The following UNC13C variants were observed in gnomAD, a reference collection of about 807,000 sequenced individuals.
UNC13C encodes protein unc-13 homolog C.
UNC13C carries 174 observed loss-of-function variants against 245.4 expected under a neutral mutation model. That is an observed-to-expected ratio of 0.71 (90% confidence interval 0.63 to 0.80). The LOEUF (loss-of-function observed/expected upper bound fraction) is 0.80. Among genes scored for constraint, UNC13C ranks in the 30% least tolerant of loss-of-function variants. UNC13C has a pLI of 0.00. For missense variants in UNC13C, 2,829 were observed against 2,602.9 expected (o/e 1.09, Z -1.89); for synonymous variants, 992 against 895.1 (o/e 1.11, Z -1.93).
chr15:54,071,036 A>G (rs1898300501), intron 2 of UNC13C, among the ~76,000 whole-genome samples: 1 of 152,180 alleles, frequency 6.6e-6, no homozygotes, highest in African/African-American at 2.4e-5. Context: ...CTATTCCTAT[A>G]TGAACTTTTA....
intron 19 of UNC13C, among the ~76,000 whole-genome samples, chr15:54,486,895 A>G (rs912248537): frequency 6.6e-6 from 1 of 152,172 alleles, no homozygotes; most frequent in African/African-American, 2.4e-5. Context: ...AAGTCATATC[A>G]TGGAGTGACT....
upstream of UNC13C, among the ~76,000 whole-genome samples, chr15:53,974,580 C>T (rs377155891): frequency 2.0e-5 from 3 of 152,314 alleles, no homozygotes; most frequent in East Asian, 5.8e-4. Context: ...TATGAAAGCG[C>T]TTAGAAGGCA....
At chr15:54,189,353 C>G (rs1021588197) in intron 4 of UNC13C, among the ~76,000 whole-genome samples, 1 of 152,034 alleles carries the variant, frequency 6.6e-6, no homozygotes, top group Non-Finnish European at 1.5e-5. Context: ...AAAGTGGGCC[C>G]TCTGATGGTA....
chr15:53,887,966 G>T, the UNC13C span, among the ~76,000 whole-genome samples: 1 of 152,232 alleles, frequency 6.6e-6, no homozygotes, highest in East Asian at 1.9e-4. Flanking sequence ...ATGGACATTT[G>T]GGTTGGTTCC....
At chr15:53,842,537 G>A in the UNC13C span, among the ~76,000 whole-genome samples, 4 of 152,084 alleles carry the variant, frequency 2.6e-5, no homozygotes, top group East Asian at 1.9e-4. Flanking sequence ...AATTCAAGCC[G>A]GGCCACTGAA....
At chr15:54,173,929 G>C (rs769076112) in intron 4 of UNC13C, among the ~76,000 whole-genome samples, 2 of 151,952 alleles carry the variant, frequency 1.3e-5, no homozygotes, top group Non-Finnish European at 2.9e-5. Context: ...TTTGTCAAAT[G>C]CCATTTATAT....
the UNC13C span, among the ~76,000 whole-genome samples, chr15:53,930,730 A>G: frequency 6.6e-6 from 1 of 152,194 alleles, no homozygotes; most frequent in Admixed American, 6.5e-5. Flanking sequence ...TACAAAATTT[A>G]AGATTATACT....
At chr15:54,333,703 G>T (rs1166168519) in intron 15 of UNC13C, 64 bp from the exon 16 acceptor site, 3 of 1,059,806 alleles carry the variant, frequency 2.8e-6, no homozygotes, top group African/African-American at 3.2e-5. Flanking sequence ...GCTAGTTTTA[G>T]TTTATTTTCC....
At chr15:54,007,757 C>T (rs982066221) in intron 1 of UNC13C, among the ~76,000 whole-genome samples, 1 of 152,112 alleles carries the variant, frequency 6.6e-6, no homozygotes, top group African/African-American at 2.4e-5. Context: ...GCCCATGTAA[C>T]CCAGAACCAA....
chr15:54,496,801 A>G (rs1445321370), intron 20 of UNC13C, among the ~76,000 whole-genome samples: 1 of 150,562 alleles, frequency 6.6e-6, no homozygotes, highest in African/African-American at 2.4e-5. Flanking sequence ...GATACAATGG[A>G]CTTTGAGGAC....
At chr15:54,172,709 TATATATATATATATATA>T (rs1397271660) in intron 4 of UNC13C, among the ~76,000 whole-genome samples, 1,423 of 54,210 alleles carry the variant, frequency 0.026, 85 homozygotes, top group Non-Finnish European at 0.034. Context: ...CACAGATATA[TATATATATATATATATA>T]TATATATATA....
chr15:54,059,750 T>C (rs1220148046), intron 2 of UNC13C, among the ~76,000 whole-genome samples: 1 of 152,204 alleles, frequency 6.6e-6, no homozygotes, highest in Non-Finnish European at 1.5e-5. Flanking sequence ...AACAGCATGG[T>C]ACTGGTACCA....
intron 17 of UNC13C, among the ~76,000 whole-genome samples, chr15:54,351,982 A>G (rs2038993377): frequency 1.3e-5 from 2 of 151,918 alleles, no homozygotes; most frequent in Non-Finnish European, 2.9e-5. Flanking sequence ...CATCTAGTGA[A>G]TTAGAAAGTA....
intron 4 of UNC13C, among the ~76,000 whole-genome samples, chr15:54,151,894 T>C (rs2032535195): frequency 6.6e-6 from 1 of 152,192 alleles, no homozygotes; most frequent in Non-Finnish European, 1.5e-5. Flanking sequence ...CTTTCATCTT[T>C]AGGTGACTGC....
chr15:54,149,917 A>G (rs1458739586), intron 4 of UNC13C, among the ~76,000 whole-genome samples: 1 of 152,250 alleles, frequency 6.6e-6, no homozygotes, highest in Non-Finnish European at 1.5e-5. Context: ...TTTAAAGTAT[A>G]TGGGATGACG....
chr15:54,309,634 T>C (rs534186398), intron 13 of UNC13C, among the ~76,000 whole-genome samples: 1 of 152,022 alleles, frequency 6.6e-6, no homozygotes, highest in South Asian at 2.1e-4. Context: ...TTTATAGTTT[T>C]GGGTCTTACA....
At chr15:53,881,882 G>T in the UNC13C span, among the ~76,000 whole-genome samples, 1 of 152,256 alleles carries the variant, frequency 6.6e-6, no homozygotes, top group South Asian at 2.1e-4. Flanking sequence ...TAACCCACAT[G>T]ATTACTTTCA....
chr15:53,867,837 T>A, the UNC13C span, among the ~76,000 whole-genome samples: 2 of 152,178 alleles, frequency 1.3e-5, no homozygotes, highest in African/African-American at 4.8e-5. Flanking sequence ...TTGTTTTATT[T>A]TTTAATTTTT....
intron 30 of UNC13C, among the ~76,000 whole-genome samples, chr15:54,570,058 A>C (rs1897685678): frequency 6.6e-6 from 1 of 152,080 alleles, no homozygotes; most frequent in African/African-American, 2.4e-5. Flanking sequence ...GTTTTGGGGA[A>C]TGGAAACTAA....
Sources: allele counts gnomAD v4.1 joint callset (sites outside exome capture counted in the v4.1 genomes callset), GRCh38; gene constraint gnomAD v4.1.1; transcripts MANE v1.5; gene names NCBI Gene and HGNC (gene_info 2026-07-23, HGNC 2026-07-21).